Variants in INSL6 observed in about 807,000 individuals in gnomAD.
INSL6 encodes insulin like 6.
INSL6 carries 16 observed loss-of-function variants against 9.4 expected under a neutral mutation model. That is an observed-to-expected ratio of 1.70 (90% CI 1.15 to 2.59). The LOEUF is 2.59. INSL6 is among the 30% of genes most tolerant of loss of function. The pLI, the probability that INSL6 is intolerant of heterozygous loss-of-function variation, is 0.00. For missense variants in INSL6, 391 were observed against 257.3 expected, an observed-to-expected ratio of 1.52 and a Z score of -3.56; for synonymous variants, 154 against 96.9, an observed-to-expected ratio of 1.59 and a Z score of -3.46.
At chr9:5,079,827 A>AT in the INSL6 span, among the ~76,000 whole-genome samples, 50 of 151,622 alleles carry the variant, frequency 3.3e-4, no homozygotes, top group South Asian at 7.5e-3. Flanking sequence ...TCAAAAAAAA[A>AT]ATTTTTTTTT....
At chr9:5,177,249 G>C (rs557880516) in intron 1 of INSL6, among the ~76,000 whole-genome samples, 1 of 152,298 alleles carries the variant, frequency 6.6e-6, no homozygotes, top group Non-Finnish European at 1.5e-5. Context: ...GCAGGGTGGA[G>C]CAATGAATGG....
downstream of INSL6, among the ~76,000 whole-genome samples, chr9:5,163,283 A>C (rs1824965701): frequency 6.6e-6 from 1 of 152,210 alleles, no homozygotes; most frequent in Non-Finnish European, 1.5e-5. Flanking sequence ...AGGTTTCTCA[A>C]ACATTGAGAT....
chr9:5,042,154 G>A, the INSL6 span, among the ~76,000 whole-genome samples: 1 of 130,950 alleles, frequency 7.6e-6, no homozygotes, highest in Non-Finnish European at 1.6e-5. Flanking sequence ...TTTTTGAGAC[G>A]GAGTCTCGCT....
the INSL6 span, chr9:5,089,576 TAATTCCAGCTACTAG>T: frequency 1.3e-5 from 3 of 234,820 alleles, no homozygotes; most frequent in Non-Finnish European, 2.5e-5. Flanking sequence ...GACAGTCTGC[TAATTCCAGCTACTAG>T]AATTTTCTAT....
At chr9:5,055,557 A>C in the INSL6 span, 1 of 797,796 alleles carries the variant, frequency 1.3e-6, no homozygotes, top group Non-Finnish European at 1.9e-6. Context: ...TATTGTTATC[A>C]ATACCTTTTT....
At chr9:5,003,080 CATTTGTCT>C in the INSL6 span, among the ~76,000 whole-genome samples, 1 of 151,872 alleles carries the variant, frequency 6.6e-6, no homozygotes, top group Non-Finnish European at 1.5e-5. Flanking sequence ...TATTCTGTTC[CATTTGTCT>C]ATTTGTTCAT....
the INSL6 span, chr9:5,097,282 T>C: frequency 6.6e-6 from 1 of 152,164 alleles, no homozygotes; most frequent in African/African-American, 2.4e-5. Flanking sequence ...ATTACCACAA[T>C]ATTAACTGAC....
the INSL6 span, chr9:5,111,192 G>T: frequency 1.5e-6 from 1 of 665,134 alleles, no homozygotes. Flanking sequence ...TCACATTCCT[G>T]GGACCGGGAC....
At chr9:5,123,020 C>T, downstream of INSL6, 1 of 1,610,360 alleles carries the variant, frequency 6.2e-7, no homozygotes. Flanking sequence ...TCCAGAATCA[C>T]TGACAGAGAG....
the INSL6 span, chr9:5,111,912 G>A: frequency 1.4e-5 from 5 of 352,360 alleles, no homozygotes; most frequent in Non-Finnish European, 2.8e-5. Context: ...GGAAGGCCTG[G>A]CCTCAATCTA....
At chr9:5,110,134 C>T in the INSL6 span, 2 of 152,228 alleles carry the variant, frequency 1.3e-5, no homozygotes, top group Non-Finnish European at 2.9e-5. Flanking sequence ...GCAGGAAAGT[C>T]AGCTAAATTC....
chr9:5,054,862 A>C, the INSL6 span: 1 of 1,605,158 alleles, frequency 6.2e-7, no homozygotes, highest in Non-Finnish European at 8.5e-7. The surrounding 1 kb of genome is among the most constrained non-coding windows in gnomAD (Gnocchi z 4.9). Flanking sequence ...AAACATAAAG[A>C]AAGTGAGACA....
At chr9:5,054,827 C>A in the INSL6 span, 1 of 1,611,986 alleles carries the variant, frequency 6.2e-7, no homozygotes, top group Non-Finnish European at 8.5e-7. The surrounding 1 kb of genome is among the most constrained non-coding windows in gnomAD (Gnocchi z 4.9). Flanking sequence ...TAACTGGAAA[C>A]GGTGGAATTC....
intron 3 of INSL6, among the ~76,000 whole-genome samples, chr9:5,125,529 A>C (rs1337013007): frequency 6.6e-6 from 1 of 151,380 alleles, no homozygotes; most frequent in Non-Finnish European, 1.5e-5. Context: ...CTTAGAATAA[A>C]AGTATAAGTA....
chr9:5,007,007 T>C, the INSL6 span, among the ~76,000 whole-genome samples: 1 of 152,204 alleles, frequency 6.6e-6, no homozygotes, highest in Admixed American at 6.5e-5. Flanking sequence ...TGATAATTTA[T>C]GTTTTATCTT....
chr9:5,055,478 T>G, the INSL6 span, among the ~76,000 whole-genome samples: 329 of 152,158 alleles, frequency 2.2e-3, no homozygotes, highest in Middle Eastern at 0.014. Flanking sequence ...GCCCTCATTT[T>G]TAAGTCAAGC....
At chr9:5,180,215 C>T (rs372500269) in intron 1 of INSL6, among the ~76,000 whole-genome samples, 1 of 152,138 alleles carries the variant, frequency 6.6e-6, no homozygotes, top group Non-Finnish European at 1.5e-5. Context: ...CTGTTATCTT[C>T]GTAAGCTGAG....
chr9:5,021,919 C>A, the INSL6 span: 1 of 1,167,156 alleles, frequency 8.6e-7, no homozygotes, highest in Non-Finnish European at 1.3e-6. Flanking sequence ...AGGTGTGAGA[C>A]ACTGCGCCCA....
intron 2 of INSL6, among the ~76,000 whole-genome samples, chr9:5,148,769 G>T (rs1586862736): frequency 6.6e-6 from 1 of 152,210 alleles, no homozygotes; most frequent in Non-Finnish European, 1.5e-5. Context: ...GACATTTGGG[G>T]TTGGGTTCCT....
Sources: allele counts gnomAD v4.1 joint callset (sites outside exome capture counted in the v4.1 genomes callset), GRCh38; gene constraint gnomAD v4.1.1; non-coding constraint Gnocchi (gnomAD v3.1); transcripts MANE v1.5; gene names NCBI Gene and HGNC (gene_info 2026-07-23, HGNC 2026-07-21).